Variants in ITGAE observed in about 807,000 individuals in gnomAD.
ITGAE encodes the protein integrin alpha-E.
A neutral mutation model predicts 136.5 loss-of-function variants in ITGAE; 99 were observed. The observed-to-expected ratio is 0.73, with a 90% CI of 0.62 to 0.86. The LOEUF (loss-of-function observed/expected upper bound fraction) is 0.86. Ranked by LOEUF, ITGAE falls within the 40% of genes least tolerant of loss-of-function variation. The pLI is 0.00. For synonymous variants in ITGAE, 613 were observed against 591.8 expected (o/e 1.04, Z -0.52); for missense variants, 1,447 against 1,515.3 (o/e 0.95, Z 0.75).
intron 28 of ITGAE, among the ~76,000 whole-genome samples, chr17:3,720,823 T>A (rs569888285): frequency 6.6e-6 from 1 of 152,106 alleles, no homozygotes; most frequent in Non-Finnish European, 1.5e-5. Context: ...CCTCAGATGA[T>A]CTACCCACCT....
chr17:3,747,913 T>C lies in ITGAE; in HGVS notation c.2155+9A>G. 6.5e-7 allele frequency: 1 copy of C among 1,535,782 alleles called. No homozygotes were observed. The highest frequency in any genetic ancestry group is 1.8e-4 in the Middle Eastern group (1 of 5,660). ...CACCAGGCAGGGGTCAGCTGGACCA[T>C]TTTTTTACCTGACTCAGAGGCTGTG... is the stretch of plus-strand genomic sequence containing the variant. On this transcript the variant is annotated intron_variant, in intron 17 of 30. Coordinates refer to ENST00000263087, the MANE Select transcript of ITGAE (RefSeq NM_002208.5).
chr17:3,748,154 C>T (rs958916152), intron 16 of ITGAE, 102 bp from the exon 17 acceptor site: 55 of 1,207,088 alleles, frequency 4.6e-5, no homozygotes, highest in Non-Finnish European at 6.0e-5. Context: ...ATCAAACATG[C>T]CCACATCCAG....
At chr17:3,736,670 G>C (rs886925173) in intron 20 of ITGAE, among the ~76,000 whole-genome samples, 1 of 152,172 alleles carries the variant, frequency 6.6e-6, no homozygotes, top group African/African-American at 2.4e-5. Flanking sequence ...AGGTATCACA[G>C]GGACCCAGAG....
chr17:3,718,914 T>C (rs1193218642), intron 29 of ITGAE, among the ~76,000 whole-genome samples: 1 of 152,182 alleles, frequency 6.6e-6, no homozygotes, highest in Non-Finnish European at 1.5e-5. Context: ...GTATTTTCCA[T>C]TTCCCTCTAT....
Position 3,729,498 on chromosome 17 carries a change from G to T in ITGAE, c.2892C>A (p.Gly964=). 6.2e-7 allele frequency: 1 copy of T among 1,611,154 alleles called. No individual in the cohort carries two copies. Among genetic ancestry groups the T allele is most frequent in the African/African-American group, 1.3e-5 (1 of 75,012 alleles). ...CTCACTTGGACAGAACTGCAACGAA[G>T]CCATGCCTGAATTGAAGGGTGTGGG... ...NETHTLQFRH[G]FVAVLSKPSI... Residue 964 remains glycine (G), a synonymous_variant, in exon 24 of 31, where the codon GGC becomes GGA. Coordinates refer to ENST00000263087, the MANE Select transcript of ITGAE (RefSeq NM_002208.5).
intron 1 of ITGAE, among the ~76,000 whole-genome samples, chr17:3,788,198 C>CT (rs200999689): frequency 0.036 from 5,056 of 141,092 alleles, 200 homozygotes; most frequent in African/African-American, 0.1. Flanking sequence ...CACTCACTTA[C>CT]TTTTTTTTTT....
At chr17:3,741,068 G>GTTT (rs1447955211) in intron 19 of ITGAE, among the ~76,000 whole-genome samples, 56 of 110,524 alleles carry the variant, frequency 5.1e-4, no homozygotes, top group African/African-American at 1.8e-3. Context: ...GTTTTTTGTT[G>GTTT]TATTTTTTTT....
intron 1 of ITGAE, among the ~76,000 whole-genome samples, chr17:3,781,265 G>A (rs1163331547): frequency 1.3e-5 from 2 of 151,910 alleles, no homozygotes; most frequent in Non-Finnish European, 2.9e-5. Context: ...CTTCAGCTTC[G>A]GGTCATGCTC....
intron 29 of ITGAE, among the ~76,000 whole-genome samples, chr17:3,719,765 T>C (rs111609661): frequency 1.3e-5 from 2 of 152,226 alleles, no homozygotes; most frequent in Non-Finnish European, 1.5e-5. Context: ...TCTCACTCTA[T>C]CACTGAGGCT....
At chr17:3,753,486 A>T in intron 13 of ITGAE, 56 bp from the exon 14 acceptor site, 1 of 1,591,058 alleles carries the variant, frequency 6.3e-7, no homozygotes, top group Non-Finnish European at 8.6e-7. Flanking sequence ...ACCCCTCAGC[A>T]AGGCTACACC....
chr17:3,786,028 G>T (rs943280986), intron 1 of ITGAE, among the ~76,000 whole-genome samples: 1 of 151,732 alleles, frequency 6.6e-6, no homozygotes, highest in African/African-American at 2.4e-5. Flanking sequence ...TTAGCCGGGC[G>T]TGGTGGCGGG....
At chr17:3,751,473 T>TGAG (rs2051864662) in intron 15 of ITGAE, among the ~76,000 whole-genome samples, 177 bp downstream of exon 15, 1 of 151,040 alleles carries the variant, frequency 6.6e-6, no homozygotes, top group Admixed American at 6.6e-5. Flanking sequence ...GGGGCTGAGG[T>TGAG]GAGGCCCTGG....
intron 26 of ITGAE, chr17:3,725,825 C>G: frequency 6.2e-7 from 1 of 1,612,316 alleles, no homozygotes; most frequent in Non-Finnish European, 8.5e-7. Context: ...GCATTCTACA[C>G]CAGCTCACAG....
chr17:3,797,226 C>A (rs1397682751), intron 1 of ITGAE, among the ~76,000 whole-genome samples: 1 of 134,196 alleles, frequency 7.5e-6, no homozygotes, highest in African/African-American at 2.8e-5. Context: ...AGTGCAGTGG[C>A]GCAATCTCGG....
intron 8 of ITGAE, among the ~76,000 whole-genome samples, chr17:3,758,343 T>C (rs773962299): frequency 2.0e-5 from 3 of 152,114 alleles, no homozygotes; most frequent in Admixed American, 6.5e-5. Context: ...ACTTCTGGGC[T>C]CAAGCAATCC....
At chr17:3,744,104 G>A (rs1428698675) in intron 18 of ITGAE, among the ~76,000 whole-genome samples, 1 of 151,672 alleles carries the variant, frequency 6.6e-6, no homozygotes. Context: ...TCAACCACCT[G>A]GGCTCAAGCA....
chr17:3,743,396 C>G, intron 19 of ITGAE, 93 bp downstream of exon 19: 1 of 1,420,440 alleles, frequency 7.0e-7, no homozygotes, highest in Non-Finnish European at 9.4e-7. Flanking sequence ...GACATTGCCT[C>G]CCAACTCCAC....
intron 21 of ITGAE, among the ~76,000 whole-genome samples, chr17:3,733,837 AG>A (rs2051400465): frequency 2.0e-5 from 3 of 152,340 alleles, no homozygotes; most frequent in South Asian, 2.1e-4. Flanking sequence ...ATGGTAAAGC[AG>A]GGCTGAGTGT....
chr17:3,794,306 A>G (rs2053011200), intron 1 of ITGAE, among the ~76,000 whole-genome samples: 1 of 151,494 alleles, frequency 6.6e-6, no homozygotes, highest in Admixed American at 6.6e-5. Flanking sequence ...TTTTGTAGAG[A>G]TGGGGGTCTT....
Sources: allele counts gnomAD v4.1 joint callset (sites outside exome capture counted in the v4.1 genomes callset), GRCh38; gene constraint gnomAD v4.1.1; transcripts MANE v1.5; gene names NCBI Gene and HGNC (gene_info 2026-07-23, HGNC 2026-07-21).